SEPTIN10: variants seen among roughly 807,000 people sequenced by gnomAD.
SEPTIN10 encodes the protein septin-10.
SEPTIN10 carries 66 observed loss-of-function variants against 54.8 expected under a neutral mutation model. The observed-to-expected ratio is 1.21, with a 90% CI of 0.99 to 1.48. SEPTIN10 has a LOEUF of 1.48. SEPTIN10 is among the 40% of genes most tolerant of loss of function. The pLI is 0.00. For synonymous variants in SEPTIN10, 161 were observed against 181.0 expected (o/e 0.89, Z 0.89); for missense variants, 620 against 545.6 (o/e 1.14, Z -1.36).
chr2:109,596,633 A>G (rs1222485410), intron 1 of SEPTIN10, among the ~76,000 whole-genome samples: 1 of 151,956 alleles, frequency 6.6e-6, no homozygotes, highest in Non-Finnish European at 1.5e-5. Flanking sequence ...AAAAAAAAAA[A>G]GAAAAAAATT....
chr2:109,579,342 A>C lies in SEPTIN10; in HGVS notation c.414-4575T>G, dbSNP rs559059417. On this transcript the variant is annotated intron_variant, in intron 4 of 10. Transcript: ENST00000397712. ...TTTTATTGGTTAAGTTCCATCAAATATTCCAGGGAAAAATAACTCTGATCT... is the reference window on the plus strand; with the variant it reads ...TTTTATTGGTTAAGTTCCATCAAATCTTCCAGGGAAAAATAACTCTGATCT... Among the ~76,000 whole-genome samples, 5 of 151,292 alleles carry C rather than the reference A, an allele frequency of 3.3e-5. No individual in the cohort carries two copies. In the East Asian group the frequency reaches 9.7e-4, roughly 29 times the overall value.
chr2:109,545,227 C>T (rs1467624165), intron 10 of SEPTIN10: 13 of 985,220 alleles, frequency 1.3e-5, no homozygotes, highest in Non-Finnish European at 1.6e-5. Flanking sequence ...CTGAATAGAA[C>T]AAGGCATGAT....
intron 9 of SEPTIN10, among the ~76,000 whole-genome samples, chr2:109,548,775 C>CAAAAAAAAA (rs57096452): frequency 1.1e-4 from 7 of 63,596 alleles, no homozygotes; most frequent in Non-Finnish European, 1.8e-4. Context: ...GGCTCCATCT[C>CAAAAAAAAA]AAAAAAAAAA....
At chr2:109,573,947 CACTT>C (rs750460618) in intron 5 of SEPTIN10, among the ~76,000 whole-genome samples, 1 of 152,108 alleles carries the variant, frequency 6.6e-6, no homozygotes, top group African/African-American at 2.4e-5. Flanking sequence ...AAGTTCTTCT[CACTT>C]AATAGTGGCA....
intron 8 of SEPTIN10, among the ~76,000 whole-genome samples, chr2:109,561,017 T>G (rs6745809): frequency 0.53 from 80,632 of 151,916 alleles, 22,766 homozygotes; most frequent in African/African-American, 0.73. Context: ...TTAGAGCAAA[T>G]AATAATTTTT....
intron 4 of SEPTIN10, among the ~76,000 whole-genome samples, chr2:109,584,032 T>C (rs577686074): frequency 2.0e-5 from 3 of 152,302 alleles, no homozygotes; most frequent in South Asian, 2.1e-4. Flanking sequence ...AAACTAACTA[T>C]TGGTACTATG....
intron 1 of SEPTIN10, among the ~76,000 whole-genome samples, chr2:109,598,900 A>AT (rs1406495087): frequency 1.3e-4 from 20 of 152,002 alleles, no homozygotes; most frequent in African/African-American, 2.7e-4. Context: ...AAAAATAAAA[A>AT]AAAAATTATT....
intron 4 of SEPTIN10, among the ~76,000 whole-genome samples, chr2:109,583,253 T>C (rs765363783): frequency 3.9e-5 from 6 of 152,160 alleles, no homozygotes; most frequent in Non-Finnish European, 7.3e-5. Context: ...GAGAAAATTT[T>C]TACAAACTAT....
chr2:109,549,400 G>C (rs767771944), intron 9 of SEPTIN10, among the ~76,000 whole-genome samples: 2 of 152,180 alleles, frequency 1.3e-5, no homozygotes, highest in African/African-American at 2.4e-5. Flanking sequence ...AAACTACAAA[G>C]AGGGAAACAT....
intron 9 of SEPTIN10, among the ~76,000 whole-genome samples, chr2:109,550,013 T>C (rs889164176): frequency 6.6e-6 from 1 of 152,104 alleles, no homozygotes; most frequent in African/African-American, 2.4e-5. Flanking sequence ...CACATTCTCG[T>C]ACTCAAAGAT....
At chr2:109,547,113 T>C (rs28553892) in intron 9 of SEPTIN10, among the ~76,000 whole-genome samples, 13,657 of 152,216 alleles carry the variant, frequency 0.09, 607 homozygotes, top group African/African-American at 0.1. Flanking sequence ...CAGACCCTTT[T>C]GGGCCTGGAG....
At chr2:109,586,438 G>A (rs1419079436) in intron 2 of SEPTIN10, among the ~76,000 whole-genome samples, 1 of 152,180 alleles carries the variant, frequency 6.6e-6, no homozygotes, top group Non-Finnish European at 1.5e-5. Context: ...AGTCATTATG[G>A]CAAAAGGAAG....
At chr2:109,572,256 G>C (rs911645249) in intron 5 of SEPTIN10, among the ~76,000 whole-genome samples, 4 of 152,004 alleles carry the variant, frequency 2.6e-5, no homozygotes, top group African/African-American at 9.7e-5. Flanking sequence ...TCAGTCTCCC[G>C]AGTAGCCGGG....
rs1680533509 is a variant in SEPTIN10 at position 109,544,036 on chromosome 2, T to C, written c.*273A>G. 1.1e-6 allele frequency: 1 copy of C among 929,060 alleles called. No individual in the cohort carries two copies. The highest frequency in any genetic ancestry group is 1.6e-5 in the South Asian group (1 of 62,398). 57.6% of individuals were successfully genotyped at this position (929,060 alleles called of 1,614,324 possible). On this transcript the variant is annotated 3_prime_UTR_variant, in exon 11 of 11. Coordinates refer to ENST00000397712, the MANE Select transcript of SEPTIN10 (RefSeq NM_144710.5). The stretch of plus-strand genomic sequence containing the variant: ...TGTCGGGTGGGGAATTTTCCACTTG[T>C]GGGGTCAAGTCAGTGCTCAAAAAGA...
chr2:109,565,529 C>T (rs1441562024), intron 7 of SEPTIN10, among the ~76,000 whole-genome samples: 1 of 152,184 alleles, frequency 6.6e-6, no homozygotes, highest in Non-Finnish European at 1.5e-5. Flanking sequence ...GAGTGCCCCA[C>T]TGGTGTTTCC....
intron 4 of SEPTIN10, among the ~76,000 whole-genome samples, chr2:109,582,052 A>G (rs977912354): frequency 6.7e-6 from 1 of 150,306 alleles, no homozygotes; most frequent in Non-Finnish European, 1.5e-5. Flanking sequence ...AGCCGTATCA[A>G]GAACACAATG....
intron 4 of SEPTIN10, among the ~76,000 whole-genome samples, chr2:109,579,028 A>T (rs1260595008): frequency 6.6e-6 from 1 of 152,172 alleles, no homozygotes; most frequent in Non-Finnish European, 1.5e-5. Context: ...AATTGACAAC[A>T]CTTTGTCAAG....
Position 109,594,363 on chromosome 2 carries a change from G to A in SEPTIN10, c.31-1244C>T, listed in dbSNP as rs566331931. 4.6e-5 allele frequency among the ~76,000 whole-genome samples: 7 copies of A among 152,186 alleles called. No individual in the cohort carries two copies. In the South Asian group the frequency reaches 8.3e-4, roughly 18 times the overall value. On this transcript the variant is annotated intron_variant, in intron 1 of 10. Transcript: ENST00000397712. ...TCTCTAATAGCTCAGCGCTCTTCCC[G>A]AGAGGCACCAGACCCTTACGCATCC...
chr2:109,570,430 G>C (rs1268220271), intron 5 of SEPTIN10, among the ~76,000 whole-genome samples: 1 of 151,798 alleles, frequency 6.6e-6, no homozygotes, highest in Non-Finnish European at 1.5e-5. Flanking sequence ...AAAAATATTA[G>C]GGGAAAAATT....
Sources: gnomAD v4.1 joint callset for allele counts (sites outside exome capture counted in the v4.1 genomes callset) on GRCh38, gnomAD v4.1.1 for gene constraint, MANE v1.5 for transcripts, NCBI Gene and HGNC (gene_info 2026-07-23, HGNC 2026-07-21) for gene names.